Variants in CNTNAP5 observed in about 807,000 individuals in gnomAD.
The protein encoded by CNTNAP5 is contactin associated protein family member 5.
In CNTNAP5, 72 loss-of-function variants were observed where a neutral mutation model predicts 150.2. The ratio of observed to expected loss-of-function variants is 0.48; its 90% CI spans 0.40 to 0.58. The LOEUF (loss-of-function observed/expected upper bound fraction) is 0.58, where lower values mean the gene tolerates loss of function less well. Ranked by LOEUF, CNTNAP5 falls within the 20% of genes least tolerant of loss-of-function variation. The pLI, the probability that CNTNAP5 is intolerant of heterozygous loss-of-function variation, is 0.00. For synonymous variants in CNTNAP5, 672 were observed against 619.8 expected, an observed-to-expected ratio of 1.08 and a Z score of -1.25; for missense variants, 1,636 against 1,626.2, an observed-to-expected ratio of 1.01 and a Z score of -0.10.
chr2:124,664,373 A>G (rs2105048985), intron 13 of CNTNAP5, among the ~76,000 whole-genome samples: 1 of 152,090 alleles, frequency 6.6e-6, no homozygotes, highest in East Asian at 1.9e-4. Flanking sequence ...GTGGTGCAAT[A>G]ACAACAAGGT....
chr2:124,077,268 C>T (rs927901687), intron 1 of CNTNAP5, among the ~76,000 whole-genome samples: 2 of 152,062 alleles, frequency 1.3e-5, no homozygotes, highest in Non-Finnish European at 2.9e-5. Context: ...AAATACGTCT[C>T]GGTGTATCCT....
At chr2:124,549,393 G>A (rs1307049438) in intron 10 of CNTNAP5, among the ~76,000 whole-genome samples, 1 of 152,182 alleles carries the variant, frequency 6.6e-6, no homozygotes, top group Non-Finnish European at 1.5e-5. Flanking sequence ...TTACTTTAAT[G>A]TGGTGAAATC....
At chr2:124,843,016 T>C (rs1682975232) in intron 19 of CNTNAP5, among the ~76,000 whole-genome samples, 1 of 152,102 alleles carries the variant, frequency 6.6e-6, no homozygotes, top group Non-Finnish European at 1.5e-5. Flanking sequence ...ACAAGCATTG[T>C]ACATGGTACC....
In CNTNAP5 at chr2:124,252,695, T is replaced by C. The variant is rs1687216225; in HGVS notation, c.381+10302T>C. On this transcript the variant is annotated intron_variant, in intron 3 of 23. Coordinates refer to ENST00000682447, the MANE Select transcript of CNTNAP5 (RefSeq NM_001367498.1). ...AATGACAACTCAATGAATGGCTTTG[T>C]CAATTTTGTGTAATGGAAAGTCAAA... Among the ~76,000 whole-genome samples the C allele has an allele frequency of 5.3e-5, 8 of 152,306 alleles. No homozygotes were observed. In the South Asian group the frequency reaches 1.7e-3, roughly 32 times the overall value.
intron 14 of CNTNAP5, among the ~76,000 whole-genome samples, chr2:124,763,411 T>C (rs1680999890): frequency 6.6e-6 from 1 of 152,110 alleles, no homozygotes; most frequent in Non-Finnish European, 1.5e-5. Flanking sequence ...AAAAGCAGCA[T>C]CTTTGTAAAC....
intron 19 of CNTNAP5, among the ~76,000 whole-genome samples, chr2:124,859,540 C>T (rs1221776741): frequency 6.6e-6 from 1 of 152,112 alleles, no homozygotes; most frequent in Non-Finnish European, 1.5e-5. Flanking sequence ...ACCATTTGAC[C>T]CAGCCGTCCC....
At chr2:124,127,586 G>T (rs561579500) in intron 1 of CNTNAP5, among the ~76,000 whole-genome samples, 1 of 152,100 alleles carries the variant, frequency 6.6e-6, no homozygotes, top group Non-Finnish European at 1.5e-5. Flanking sequence ...AACCAAAAAA[G>T]AGCCTACATT....
At chr2:124,333,286 A>G (rs964111247) in intron 3 of CNTNAP5, among the ~76,000 whole-genome samples, 5 of 152,142 alleles carry the variant, frequency 3.3e-5, no homozygotes, top group Admixed American at 6.6e-5. Context: ...AAACAAAAAA[A>G]TGAAAACACA....
chr2:124,400,672 TTTTTTTTTTTTTTTTTG>T (rs1691389913), intron 3 of CNTNAP5, among the ~76,000 whole-genome samples: 1 of 88,812 alleles, frequency 1.1e-5, no homozygotes, highest in African/African-American at 2.9e-5. Context: ...AGGCATTGTT[TTTTTTTTTTTTTTTTTG>T]TTTTTTTTCT....
At chr2:124,487,417 A>G (rs542563444) in intron 7 of CNTNAP5, among the ~76,000 whole-genome samples, 1 of 152,296 alleles carries the variant, frequency 6.6e-6, no homozygotes, top group African/African-American at 2.4e-5. Flanking sequence ...TTTCGTATCC[A>G]AACACATTTT....
chr2:124,820,362 A>C (rs766376159), intron 19 of CNTNAP5, among the ~76,000 whole-genome samples: 1 of 152,126 alleles, frequency 6.6e-6, no homozygotes, highest in Non-Finnish European at 1.5e-5. Context: ...TTTCCACTCC[A>C]TAATGATATC....
intron 1 of CNTNAP5, among the ~76,000 whole-genome samples, chr2:124,137,453 G>C (rs1684001074): frequency 6.6e-6 from 1 of 152,096 alleles, no homozygotes; most frequent in African/African-American, 2.4e-5. Flanking sequence ...TTTTGACTTT[G>C]AATTCTAAAA....
chr2:124,152,882 G>T (rs1014298325), intron 1 of CNTNAP5, among the ~76,000 whole-genome samples: 1 of 152,262 alleles, frequency 6.6e-6, no homozygotes, highest in Admixed American at 6.5e-5. Flanking sequence ...TTGTAACTGG[G>T]AGACAGGCAA....
chr2:124,569,818 C>T (rs1460158948), intron 11 of CNTNAP5, among the ~76,000 whole-genome samples: 1 of 152,164 alleles, frequency 6.6e-6, no homozygotes, highest in Non-Finnish European at 1.5e-5. Context: ...TAATTTGAAG[C>T]ATATCAAGTC....
At chr2:124,450,552 C>A (rs1692942881) in intron 6 of CNTNAP5, among the ~76,000 whole-genome samples, 1 of 100,472 alleles carries the variant, frequency 1.0e-5, no homozygotes, top group Non-Finnish European at 1.9e-5. Flanking sequence ...ACAGAATCTG[C>A]TGTCAAAAAA....
intron 11 of CNTNAP5, among the ~76,000 whole-genome samples, chr2:124,603,315 TC>T (rs1224395117): frequency 1.3e-5 from 2 of 152,166 alleles, no homozygotes; most frequent in Non-Finnish European, 2.9e-5. Flanking sequence ...AATACATTTA[TC>T]TTCAATTTTT....
chr2:124,497,375 A>G (rs1694174431), intron 7 of CNTNAP5, among the ~76,000 whole-genome samples: 1 of 152,196 alleles, frequency 6.6e-6, no homozygotes, highest in Non-Finnish European at 1.5e-5. Flanking sequence ...AGCATAACCT[A>G]TTGTCTATGC....
At chr2:124,115,648 C>CT (rs10666342) in intron 1 of CNTNAP5, among the ~76,000 whole-genome samples, 61,293 of 123,674 alleles carry the variant, frequency 0.5, 15,911 homozygotes, top group South Asian at 0.6. Flanking sequence ...GTATAATAGT[C>CT]TTTTTTTTTT....
At chr2:124,204,929 T>C (rs1685825588) in intron 1 of CNTNAP5, among the ~76,000 whole-genome samples, 1 of 152,138 alleles carries the variant, frequency 6.6e-6, no homozygotes, top group South Asian at 2.1e-4. Flanking sequence ...AGGATATTCA[T>C]TGAAAGCCAA....
Sources: allele counts gnomAD v4.1 joint callset (sites outside exome capture counted in the v4.1 genomes callset), GRCh38; gene constraint gnomAD v4.1.1; transcripts MANE v1.5; gene names NCBI Gene and HGNC (gene_info 2026-07-23, HGNC 2026-07-21).